RGS6: variants seen among roughly 807,000 people sequenced by gnomAD.
RGS6 encodes the protein regulator of G-protein signaling 6.
RGS6 carries 30 observed loss-of-function variants against 78.5 expected under a neutral mutation model. The observed-to-expected ratio is 0.38, with a 90% CI of 0.29 to 0.52. The LOEUF (loss-of-function observed/expected upper bound fraction) is 0.52, where lower values mean the gene tolerates loss of function less well. Among genes scored for constraint, RGS6 ranks in the 20% least tolerant of loss-of-function variants. The pLI is 0.85. For synonymous variants in RGS6, 206 were observed against 206.0 expected (o/e 1.00, Z 0.00); for missense variants, 495 against 609.7 (o/e 0.81, Z 1.98).
intron 12 of RGS6, among the ~76,000 whole-genome samples, chr14:72,487,049 G>A (rs2096499892): frequency 6.6e-6 from 1 of 152,114 alleles, no homozygotes; most frequent in Admixed American, 6.5e-5. Context: ...TGGGAGAGCA[G>A]TTGAGGCAGC....
intron 3 of RGS6, among the ~76,000 whole-genome samples, chr14:72,392,369 G>A (rs934712499): frequency 7.9e-5 from 12 of 152,048 alleles, no homozygotes; most frequent in Non-Finnish European, 4.4e-5. Flanking sequence ...GATGGGCTGG[G>A]ACCCACAGGC....
intron 2 of RGS6, among the ~76,000 whole-genome samples, chr14:72,335,328 C>T (rs2075831645): frequency 6.6e-6 from 1 of 152,134 alleles, no homozygotes; most frequent in African/African-American, 2.4e-5. Context: ...ACTGACTGCC[C>T]CCATCCCTGT....
At chr14:71,985,310 G>A (rs1460544135) in intron 2 of RGS6, among the ~76,000 whole-genome samples, 2 of 152,100 alleles carry the variant, frequency 1.3e-5, no homozygotes, top group African/African-American at 2.4e-5. Flanking sequence ...TTTTAGTAGA[G>A]ACGGGGTCTC....
chr14:72,337,284 G>A (rs1669899287), intron 2 of RGS6, among the ~76,000 whole-genome samples: 1 of 124,684 alleles, frequency 8.0e-6, no homozygotes, highest in African/African-American at 3.2e-5. Context: ...CCCCTCCCCT[G>A]TAAAAGCCTT....
intron 13 of RGS6, among the ~76,000 whole-genome samples, chr14:72,508,063 C>T (rs2096831089): frequency 2.0e-5 from 3 of 152,184 alleles, no homozygotes; most frequent in Admixed American, 1.3e-4. Flanking sequence ...TTGTGAAAGG[C>T]CTAGCCTGGT....
chr14:71,891,836 G>T, the RGS6 span, among the ~76,000 whole-genome samples: 1 of 152,090 alleles, frequency 6.6e-6, no homozygotes, highest in East Asian at 1.9e-4. Context: ...GCACCTCCTT[G>T]TATTTTTCCC....
intron 2 of RGS6, among the ~76,000 whole-genome samples, chr14:72,073,777 G>A (rs1317105259): frequency 1.3e-5 from 2 of 152,106 alleles, no homozygotes; most frequent in African/African-American, 4.8e-5. Context: ...AGGACCTGCT[G>A]TATAATATAT....
chr14:72,529,594 C>G (rs1009618753), intron 15 of RGS6, among the ~76,000 whole-genome samples: 3 of 152,236 alleles, frequency 2.0e-5, no homozygotes, highest in Admixed American at 2.0e-4. Context: ...TTCCTCCTTG[C>G]CCCTTGATTG....
intron 2 of RGS6, among the ~76,000 whole-genome samples, chr14:71,994,940 AC>A (rs2095131237): frequency 6.6e-6 from 1 of 152,108 alleles, no homozygotes; most frequent in Non-Finnish European, 1.5e-5. Context: ...TGAGGTTTTC[AC>A]CGTCCTTACA....
chr14:72,086,273 C>T (rs2095037444), intron 2 of RGS6, among the ~76,000 whole-genome samples: 1 of 152,158 alleles, frequency 6.6e-6, no homozygotes, highest in Admixed American at 6.5e-5. Flanking sequence ...TGCTCGACAC[C>T]TGTGCCCTCC....
At chr14:72,103,784 A>G (rs1490626953) in intron 2 of RGS6, among the ~76,000 whole-genome samples, 1 of 152,218 alleles carries the variant, frequency 6.6e-6, no homozygotes, top group East Asian at 1.9e-4. Flanking sequence ...GAAATGACAC[A>G]TCGTCACTTC....
chr14:72,407,099 A>G (rs1168484186), intron 3 of RGS6, among the ~76,000 whole-genome samples: 1 of 152,234 alleles, frequency 6.6e-6, no homozygotes, highest in East Asian at 1.9e-4. Context: ...TTGGTTTGTA[A>G]TGTATCATGT....
chr14:72,572,064 T>C, the RGS6 span, among the ~76,000 whole-genome samples: 1 of 152,190 alleles, frequency 6.6e-6, no homozygotes, highest in African/African-American at 2.4e-5. Flanking sequence ...ATGCTGAACA[T>C]CATTAGCCAC....
chr14:72,605,289 C>G, the RGS6 span, among the ~76,000 whole-genome samples: 1 of 152,124 alleles, frequency 6.6e-6, no homozygotes, highest in Non-Finnish European at 1.5e-5. Flanking sequence ...AGAGAGGGAG[C>G]AGGAGCAGGA....
At chr14:71,991,443 T>A (rs2094950535) in intron 2 of RGS6, among the ~76,000 whole-genome samples, 2 of 152,236 alleles carry the variant, frequency 1.3e-5, no homozygotes. Flanking sequence ...ACCTTTCCGT[T>A]CTGTTTTTAC....
intron 2 of RGS6, among the ~76,000 whole-genome samples, chr14:72,168,726 C>A (rs539594057): frequency 6.6e-6 from 1 of 152,238 alleles, no homozygotes; most frequent in African/African-American, 2.4e-5. Flanking sequence ...TGTGGAACAG[C>A]GCTGCTCTAG....
At chr14:72,330,850 C>A (rs552727098) in intron 2 of RGS6, among the ~76,000 whole-genome samples, 126 of 151,982 alleles carry the variant, frequency 8.3e-4, no homozygotes, top group Middle Eastern at 3.4e-3. Context: ...TTTTCTGAGA[C>A]ATTTTAAGTT....
intron 2 of RGS6, among the ~76,000 whole-genome samples, chr14:72,169,259 T>C (rs1364403607): frequency 6.6e-6 from 1 of 152,210 alleles, no homozygotes; most frequent in Admixed American, 6.5e-5. Context: ...GGAATACGTT[T>C]TTTGATTCAA....
chr14:72,627,129 A>G, the RGS6 span, among the ~76,000 whole-genome samples: 7 of 152,096 alleles, frequency 4.6e-5, no homozygotes, highest in Non-Finnish European at 7.4e-5. Context: ...TGACTTTATC[A>G]TGTTTTTGAC....
Sources: gnomAD v4.1 joint callset for allele counts (sites outside exome capture counted in the v4.1 genomes callset) on GRCh38, gnomAD v4.1.1 for gene constraint, MANE v1.5 for transcripts, NCBI Gene and HGNC (gene_info 2026-07-23, HGNC 2026-07-21) for gene names.